The following SERPINA5 variants were observed in gnomAD, a reference collection of about 807,000 sequenced individuals.
SERPINA5 encodes the protein serpin family A member 5, also known as plasma serine protease inhibitor.
SERPINA5 carries 25 observed loss-of-function variants against 25.3 expected under a neutral mutation model. The ratio of observed to expected loss-of-function variants is 0.99; its 90% CI spans 0.72 to 1.38. The LOEUF is 1.38. SERPINA5 is among the 40% of genes most tolerant of loss of function. The pLI, the probability that SERPINA5 is intolerant of heterozygous loss-of-function variation, is 0.00. For missense variants in SERPINA5, 599 were observed against 509.5 expected (o/e 1.18, Z -1.69); for synonymous variants, 234 against 206.2 (o/e 1.14, Z -1.16).
rs1297836263 is a variant in SERPINA5, at chr14:94,587,462, C to T, written c.100C>T (p.Leu34Phe). 5.0e-6 allele frequency: 8 copies of T among 1,614,096 alleles called. No individual in the cohort carries two copies. The highest frequency in any genetic ancestry group is 5.9e-6 in the Non-Finnish European group (7 of 1,180,052). The change falls in exon 3 of 6, where the codon CTC becomes TTC. Residue 34 changes from leucine to phenylalanine, a missense_variant. Leu to Phe is a conservative substitution (Grantham distance 22). Coordinates refer to ENST00000329597, the MANE Select transcript of SERPINA5 (RefSeq NM_000624.6). ...GGAGATGAAGAAGAGAGTCGAGGAC[C>T]TCCATGTAGGTGCCACGGTGGCCCC... Reference protein sequence around the residue: ...PREMKKRVEDLHVGATVAPSS... With the variant: ...PREMKKRVEDFHVGATVAPSS...
intron 5 of SERPINA5, among the ~76,000 whole-genome samples, chr14:94,591,377 C>T (rs1172400752): frequency 6.7e-6 from 1 of 148,394 alleles, no homozygotes; most frequent in African/African-American, 2.5e-5. Flanking sequence ...CATTCCACTC[C>T]TCCACTCCAC....
intron 4 of SERPINA5, 196 bp downstream of exon 4, chr14:94,590,507 T>TC: frequency 1.2e-6 from 1 of 844,368 alleles, no homozygotes; most frequent in Non-Finnish European, 1.7e-6. Flanking sequence ...GAAACTGGGT[T>TC]CCTTAGGGTG....
Position 94,592,427 on chromosome 14 carries a change from A to G in SERPINA5, c.*188A>G. The G allele has an allele frequency of 1.7e-6, 1 of 579,604 alleles. No individual in the cohort carries two copies. Among genetic ancestry groups the G allele is most frequent in the Non-Finnish European group, 3.0e-6 (1 of 335,582 alleles). The allele number at this position is 579,604 out of a possible 1,614,324, so 35.9% of individuals were successfully genotyped here. On this transcript the variant is annotated 3_prime_UTR_variant, in exon 6 of 6. Transcript: ENST00000329597. ...CTGCAACATACAGGTGCCTTGGGGA[A>G]ATGTGGAGAACATTCAATCTTGCCG...
chr14:94,590,359 G>A (rs1885240108), intron 4 of SERPINA5, 48 bp downstream of exon 4: 8 of 1,536,602 alleles, frequency 5.2e-6, no homozygotes, highest in South Asian at 1.3e-5. Flanking sequence ...ACAGCCCCAG[G>A]GAGACACACA....
At chr14:94,585,796 T>TGTGTGTGTGCGC (rs1301524878) in intron 2 of SERPINA5, among the ~76,000 whole-genome samples, 1 of 132,580 alleles carries the variant, frequency 7.5e-6, no homozygotes, top group Non-Finnish European at 1.7e-5. Flanking sequence ...TGTGTGTGTG[T>TGTGTGTGTGCGC]GTGTGTGTAA....
At chr14:94,583,211 A>G (rs1311238682) in intron 2 of SERPINA5, among the ~76,000 whole-genome samples, 1 of 152,232 alleles carries the variant, frequency 6.6e-6, no homozygotes, top group Non-Finnish European at 1.5e-5. Context: ...CGCTGTGACC[A>G]TATTTATGAT....
chr14:94,592,100 G>A lies in SERPINA5; in HGVS notation c.1082G>A (p.Arg361Lys). ...AVVEVDESGT[R>K]AAAATGTIFT... ...GTGGAGGTGGACGAGTCGGGAACCA[G>A]AGCAGCGGCAGCCACGGGGACAATA... Residue 361 changes from arginine (R) to lysine (K), a missense_variant, in exon 6 of 6, where the codon AGA (arginine) becomes AAA (lysine). Transcript: ENST00000329597. The A allele has an allele frequency of 6.2e-7, 1 of 1,614,068 alleles. No homozygotes were observed. Among genetic ancestry groups the A allele is most frequent in the South Asian group, 1.1e-5 (1 of 91,080 alleles).
intron 2 of SERPINA5, 34 bp downstream of exon 2, chr14:94,581,744 G>T (rs1389419443): frequency 1.3e-5 from 2 of 152,172 alleles, no homozygotes; most frequent in African/African-American, 2.4e-5. Flanking sequence ...TCTGGATGGT[G>T]TGACTGAAGA....
At chr14:94,586,002 C>A (rs980378110) in intron 2 of SERPINA5, among the ~76,000 whole-genome samples, 9 of 152,164 alleles carry the variant, frequency 5.9e-5, no homozygotes, top group African/African-American at 1.9e-4. Flanking sequence ...AATCACACTA[C>A]AAGGACACAG....
At chr14:94,586,449 T>C (rs1356219421) in intron 2 of SERPINA5, among the ~76,000 whole-genome samples, 1 of 152,190 alleles carries the variant, frequency 6.6e-6, no homozygotes, top group Non-Finnish European at 1.5e-5. Context: ...TGTCTTCACC[T>C]GGTCTTCCCT....
chr14:94,591,100 T>TATTAAGTTCCACTCCACTCCACTCC (rs2139931765), intron 5 of SERPINA5, among the ~76,000 whole-genome samples: 1 of 143,206 alleles, frequency 7.0e-6, no homozygotes, highest in East Asian at 2.1e-4. Flanking sequence ...CAGTTCACTC[T>TATTAAGTTCCACTCCACTCCACTCC]ATTCAGTTCC....
At chr14:94,590,942 GTTCTATTCT>G in intron 5 of SERPINA5, 46 bp downstream of exon 5, 1 of 1,552,496 alleles carries the variant, frequency 6.4e-7, no homozygotes, top group Non-Finnish European at 8.7e-7. Context: ...GGTCTATTCT[GTTCTATTCT>G]TTCTATTCTA....
rs767110332 is a variant in SERPINA5, at chr14:94,587,905, G to A, written c.543G>A (p.Lys181=). 1.4e-5 allele frequency: 23 copies of A among 1,614,124 alleles called. No individual in the cohort carries two copies. In the Admixed American group the frequency reaches 1.7e-4, roughly 12 times the overall value. ...QINDYVAKQT[K]GKIVDLLKNL... ...ATGATTATGTGGCAAAGCAAACGAA[G>A]GGCAAGATTGTGGACTTGCTTAAGA... Residue 181 remains lysine, a synonymous_variant, in exon 3 of 6, where the codon AAG becomes AAA. Coordinates refer to ENST00000329597, the MANE Select transcript of SERPINA5 (RefSeq NM_000624.6).
At chr14:94,589,955 A>T in intron 3 of SERPINA5, 86 bp from the exon 4 acceptor site, 1 of 1,339,230 alleles carries the variant, frequency 7.5e-7, no homozygotes, top group Non-Finnish European at 1.0e-6. Flanking sequence ...GGCTATCTTT[A>T]CTGTCTTCAC....
rs540702013 is a variant in SERPINA5, at chr14:94,587,985, A to G, written c.619+4A>G. The G allele has an allele frequency of 6.2e-7, 1 of 1,611,146 alleles. No homozygotes were observed. The highest frequency in any genetic ancestry group is 1.1e-5 in the South Asian group (1 of 90,700). On this transcript the variant is annotated splice_donor_region_variant and intron_variant, in intron 3 of 5. Transcript: ENST00000329597. ...GTGAATTACATCTTCTTTAAAGGTA[A>G]GGCCCTTGGGCCCAAACCTGCACTT...
rs2139930555 is a variant in SERPINA5, at chr14:94,590,283, A to G, written c.862A>G (p.Arg288Gly). The G allele has an allele frequency of 6.2e-7, 1 of 1,609,564 alleles. No homozygotes were observed. Among genetic ancestry groups the G allele is most frequent in the South Asian group, 1.1e-5 (1 of 90,706 alleles). Residue 288 changes from arginine to glycine, a missense_variant, in exon 4 of 6, where the codon AGG (arginine) becomes GGG (glycine). By Grantham distance (125) the Arg-to-Gly change is moderately radical (BLOSUM62 -2). Coordinates refer to ENST00000329597, the MANE Select transcript of SERPINA5 (RefSeq NM_000624.6). ...VENGLSEKTL[R>G]KWLKMFKKRQ... Reference sequence around the variant, plus strand: ...GAATGGACTGAGTGAGAAAACGCTGAGGAAGTGGCTTAAGATGTTCAAAAA... The same window carrying G: ...GAATGGACTGAGTGAGAAAACGCTGGGGAAGTGGCTTAAGATGTTCAAAAA...
Position 94,590,755 on chromosome 14 carries a change from C to A in SERPINA5, c.897C>A (p.Leu299=), listed in dbSNP as rs772906781. The change falls in exon 5 of 6, where the codon CTC becomes CTA. Residue 299 remains leucine, a synonymous_variant. Coordinates refer to ENST00000329597, the MANE Select transcript of SERPINA5 (RefSeq NM_000624.6). ...KWLKMFKKRQ[L]ELYLPKFSIE... ...GCTCCTTTTCCCTTTCCAGGCAGCT[C>A]GAGCTTTACCTTCCCAAATTCTCCA... is the stretch of plus-strand genomic sequence containing the variant. The A allele has an allele frequency of 3.8e-5, 62 of 1,613,556 alleles. No individual in the cohort carries two copies. Among genetic ancestry groups the A allele is most frequent in the Non-Finnish European group, 4.9e-5 (58 of 1,179,798 alleles).
chr14:94,586,083 A>G (rs1400726132), intron 2 of SERPINA5, among the ~76,000 whole-genome samples: 3 of 152,152 alleles, frequency 2.0e-5, no homozygotes, highest in Non-Finnish European at 2.9e-5. Flanking sequence ...GGGAGGAGGC[A>G]AGACTTCTAC....
At position 94,592,342 on chromosome 14, in the gene SERPINA5, G is replaced by C; in HGVS notation, c.*103G>C. ...GTAGCTAGTGATTTACACAGGTTTA[G>C]TTGACTAATGAGGCATTACAAATAA... On this transcript the variant is annotated 3_prime_UTR_variant, in exon 6 of 6. Coordinates refer to ENST00000329597, the MANE Select transcript of SERPINA5 (RefSeq NM_000624.6). 8.9e-7 allele frequency: 1 copy of C among 1,128,768 alleles called. No homozygotes were observed. 69.9% of individuals were successfully genotyped at this position (1,128,768 alleles called of 1,614,324 possible).
Sources: allele counts gnomAD v4.1 joint callset (sites outside exome capture counted in the v4.1 genomes callset), GRCh38; gene constraint gnomAD v4.1.1; transcripts MANE v1.5; gene names NCBI Gene and HGNC (gene_info 2026-07-23, HGNC 2026-07-21).